CACNB4: variants seen among roughly 807,000 people sequenced by gnomAD.
CACNB4 encodes the protein voltage-dependent L-type calcium channel subunit beta-4.
CACNB4 carries 32 observed loss-of-function variants against 71.2 expected under a neutral mutation model. The ratio of observed to expected loss-of-function variants is 0.45; its 90% confidence interval spans 0.34 to 0.60. CACNB4 has a LOEUF of 0.60. Ranked by LOEUF, CACNB4 falls within the 20% of genes least tolerant of loss-of-function variation. The pLI, the probability that CACNB4 is intolerant of heterozygous loss-of-function variation, is 0.01. For missense variants in CACNB4, 464 were observed against 647.9 expected (o/e 0.72, Z 3.08); for synonymous variants, 231 against 236.9 (o/e 0.97, Z 0.23).
chr2:151,990,912 T>C (rs147821815), intron 2 of CACNB4, among the ~76,000 whole-genome samples: 46 of 152,294 alleles, frequency 3.0e-4, no homozygotes, highest in Non-Finnish European at 4.9e-4. Context: ...CATTTTAAAA[T>C]GTTGTCTTCT....
intron 2 of CACNB4, among the ~76,000 whole-genome samples, chr2:152,031,164 C>T (rs1684262869): frequency 6.6e-6 from 1 of 152,162 alleles, no homozygotes; most frequent in Non-Finnish European, 1.5e-5. Context: ...TCCTGATGTG[C>T]CCAGAACTCT....
chr2:152,035,647 CTCTCTA>C (rs1684539953), intron 2 of CACNB4, among the ~76,000 whole-genome samples: 3 of 128,972 alleles, frequency 2.3e-5, no homozygotes, highest in African/African-American at 6.7e-5. Context: ...CTCTCTCTCT[CTCTCTA>C]TATATATATA....
At chr2:152,063,206 A>T (rs1686115533) in intron 2 of CACNB4, among the ~76,000 whole-genome samples, 1 of 152,220 alleles carries the variant, frequency 6.6e-6, no homozygotes, top group Non-Finnish European at 1.5e-5. Context: ...AGTTATTCTC[A>T]ACCAGTTTAG....
At chr2:152,058,094 T>C (rs1452769100) in intron 2 of CACNB4, among the ~76,000 whole-genome samples, 1 of 152,192 alleles carries the variant, frequency 6.6e-6, no homozygotes, top group Admixed American at 6.5e-5. Flanking sequence ...CCTGCCACCA[T>C]GTAAAAAAGG....
At chr2:151,937,172 T>A (rs187859865) in intron 2 of CACNB4, among the ~76,000 whole-genome samples, 1 of 152,214 alleles carries the variant, frequency 6.6e-6, no homozygotes, top group South Asian at 2.1e-4. Context: ...TTTCAATGAA[T>A]TCCTATCCGA....
chr2:151,856,064 C>G (rs2099840220), intron 10 of CACNB4, among the ~76,000 whole-genome samples: 1 of 150,162 alleles, frequency 6.7e-6, no homozygotes, highest in Admixed American at 6.6e-5. Flanking sequence ...ATCTATCTGG[C>G]TGGCTGTAAT....
chr2:152,050,230 C>T (rs953537741), intron 2 of CACNB4, among the ~76,000 whole-genome samples: 1 of 152,230 alleles, frequency 6.6e-6, no homozygotes. Context: ...ACACACAATT[C>T]AGCCCTCACT....
chr2:151,924,203 C>T (rs1319669842), intron 2 of CACNB4, among the ~76,000 whole-genome samples: 4 of 150,152 alleles, frequency 2.7e-5, no homozygotes, highest in Non-Finnish European at 3.0e-5. Flanking sequence ...CTCAACCTCC[C>T]GAGTAGCTGG....
At chr2:152,025,237 T>C (rs1387848710) in intron 2 of CACNB4, among the ~76,000 whole-genome samples, 1 of 152,224 alleles carries the variant, frequency 6.6e-6, no homozygotes, top group East Asian at 1.9e-4. Context: ...CTTTCATATG[T>C]GTAAATTAAG....
At chr2:151,996,942 CA>C (rs1196471350) in intron 2 of CACNB4, among the ~76,000 whole-genome samples, 4 of 151,904 alleles carry the variant, frequency 2.6e-5, no homozygotes, top group Admixed American at 6.6e-5. Context: ...AAAAAAATAA[CA>C]CAAACCTAGT....
intron 5 of CACNB4, 41 bp from the exon 6 acceptor site, chr2:151,872,534 T>G (rs1242565967): frequency 2.7e-6 from 3 of 1,101,988 alleles, no homozygotes; most frequent in Admixed American, 1.9e-5. Context: ...CTCCCCAGAT[T>G]CTTTGAAAAT....
chr2:152,016,229 G>C (rs965941502), intron 2 of CACNB4, among the ~76,000 whole-genome samples: 4 of 152,176 alleles, frequency 2.6e-5, no homozygotes, highest in Admixed American at 2.6e-4. Context: ...CTACAAAATT[G>C]TTAAAATTAT....
At chr2:151,988,630 C>T (rs1681509954) in intron 2 of CACNB4, among the ~76,000 whole-genome samples, 1 of 152,124 alleles carries the variant, frequency 6.6e-6, no homozygotes, top group Non-Finnish European at 1.5e-5. Context: ...GTAGTAGAGT[C>T]GGGGTCTGGG....
intron 2 of CACNB4, among the ~76,000 whole-genome samples, chr2:152,067,486 C>T (rs974155394): frequency 2.6e-5 from 4 of 152,108 alleles, no homozygotes; most frequent in African/African-American, 7.2e-5. Context: ...GCTGAGATTA[C>T]AGGTATGAGC....
intron 2 of CACNB4, among the ~76,000 whole-genome samples, chr2:151,901,615 C>T (rs893550777): frequency 1.3e-5 from 2 of 152,034 alleles, no homozygotes; most frequent in East Asian, 1.9e-4. Context: ...GAAAAGATCA[C>T]GAAGGAGTTT....
chr2:152,093,196 T>A (rs1688072963), intron 2 of CACNB4, among the ~76,000 whole-genome samples: 2 of 152,360 alleles, frequency 1.3e-5, no homozygotes, highest in Non-Finnish European at 1.5e-5. Context: ...ATAATTTTTA[T>A]TAGATTTAGG....
In CACNB4 at chr2:152,098,579, C is replaced by CCCAGCA; in HGVS notation, c.64-167_64-166insTGCTGG. The CCCAGCA allele has an allele frequency of 2.1e-6, 2 of 943,714 alleles. No individual in the cohort carries two copies. Among genetic ancestry groups the CCCAGCA allele is most frequent in the Non-Finnish European group, 3.4e-6 (2 of 591,326 alleles). The allele number at this position is 943,714 out of a possible 1,614,324, so 58.5% of individuals were successfully genotyped here. On this transcript the variant is annotated intron_variant, in intron 1 of 13. Transcript: ENST00000539935. This position sits in a 1 kb window ranked among gnomAD's most constrained non-coding sequence, Gnocchi z 5.3. ...CCCAAATACAGCCCCCACCCCCACC[C>CCCAGCA]ACCCACTGCAAGCCTCGACTGCTGA... is the stretch of plus-strand genomic sequence containing the variant.
intron 9 of CACNB4, 126 bp downstream of exon 9, chr2:151,869,051 A>G: frequency 1.6e-6 from 1 of 634,058 alleles, no homozygotes; most frequent in Non-Finnish European, 2.8e-6. Flanking sequence ...ATTCTTCCCA[A>G]GAATACTGAG....
At chr2:151,881,786 G>A (rs1325789678) in intron 3 of CACNB4, among the ~76,000 whole-genome samples, 6 of 152,076 alleles carry the variant, frequency 3.9e-5, no homozygotes, top group Admixed American at 3.3e-4. Flanking sequence ...CACATGTACT[G>A]CAAGAAAAGC....
Sources: allele counts gnomAD v4.1 joint callset (sites outside exome capture counted in the v4.1 genomes callset), GRCh38; gene constraint gnomAD v4.1.1; non-coding constraint Gnocchi (gnomAD v3.1); transcripts MANE v1.5; gene names NCBI Gene and HGNC (gene_info 2026-07-23, HGNC 2026-07-21).